Variants in SYTL5 observed in about 807,000 individuals in gnomAD.
The protein encoded by SYTL5 is synaptotagmin-like protein 5.
In SYTL5, 34 loss-of-function variants were observed where a neutral mutation model predicts 55.9. The ratio of observed to expected loss-of-function variants is 0.61; its 90% CI spans 0.46 to 0.81. The LOEUF is 0.81. Ranked by LOEUF, SYTL5 falls within the 30% of genes least tolerant of loss-of-function variation. SYTL5 has a pLI of 0.00. For missense variants in SYTL5, 637 were observed against 546.7 expected, an observed-to-expected ratio of 1.17 and a Z score of -1.65; for synonymous variants, 221 against 188.7, an observed-to-expected ratio of 1.17 and a Z score of -1.40.
At chrX:38,056,616 C>T (rs780657475) in intron 3 of SYTL5, among the ~76,000 whole-genome samples, 1 of 111,821 alleles carries the variant, frequency 8.9e-6, no homozygotes, top group East Asian at 2.8e-4. Flanking sequence ...ACATTCTCAC[C>T]AGCATTTGTT....
chrX:37,990,960 G>C, the SYTL5 span: 1 of 1,210,233 alleles, frequency 8.3e-7, no homozygotes, highest in Non-Finnish European at 1.1e-6. Context: ...AGATGAACGA[G>C]ACGTCCAAAG....
the SYTL5 span, among the ~76,000 whole-genome samples, chrX:37,926,754 C>A: frequency 2.7e-5 from 3 of 111,629 alleles, no homozygotes; most frequent in Non-Finnish European, 5.7e-5. Context: ...TGAACTTTAT[C>A]ATTCTCTCTC....
chrX:37,973,696 G>A, the SYTL5 span, among the ~76,000 whole-genome samples: 3 of 109,887 alleles, frequency 2.7e-5, no homozygotes, highest in Non-Finnish European at 5.7e-5. Flanking sequence ...TGCAAGTGGT[G>A]CGATCTCGGC....
At chrX:37,958,037 C>T in the SYTL5 span, among the ~76,000 whole-genome samples, 2 of 110,527 alleles carry the variant, frequency 1.8e-5, no homozygotes, top group Non-Finnish European at 3.8e-5. Context: ...GGTGAAACCT[C>T]GGATCTACTA....
chrX:37,912,488 C>T, the SYTL5 span, among the ~76,000 whole-genome samples: 2 of 111,569 alleles, frequency 1.8e-5, no homozygotes, highest in South Asian at 3.7e-4. Context: ...ATTACTAAGC[C>T]GCCACTCTAG....
At chrX:37,920,763 G>C in the SYTL5 span, among the ~76,000 whole-genome samples, 3 of 111,024 alleles carry the variant, frequency 2.7e-5, no homozygotes, top group Non-Finnish European at 5.7e-5. Flanking sequence ...GCAATTCTGT[G>C]TATCCCCATT....
chrX:38,068,997 G>A (rs1936182395), intron 3 of SYTL5, among the ~76,000 whole-genome samples: 1 of 111,583 alleles, frequency 9.0e-6, no homozygotes, highest in South Asian at 3.8e-4. Context: ...ATGTCATTAA[G>A]TATTTTTATT....
chrX:37,983,321 G>A, the SYTL5 span, among the ~76,000 whole-genome samples: 2 of 111,922 alleles, frequency 1.8e-5, no homozygotes, highest in African/African-American at 6.5e-5. Context: ...AAAATTGATT[G>A]TAAGTAAAAC....
At chrX:38,005,039 T>C (rs1211562596), upstream of SYTL5, among the ~76,000 whole-genome samples, 3 of 111,108 alleles carry the variant, frequency 2.7e-5, no homozygotes, top group Admixed American at 2.9e-4. Flanking sequence ...CTGTAACTCA[T>C]AAATATATAC....
chrX:37,901,607 A>G, the SYTL5 span, among the ~76,000 whole-genome samples: 1 of 112,492 alleles, frequency 8.9e-6, no homozygotes, highest in Non-Finnish European at 1.9e-5. Context: ...AGAAGGAATG[A>G]AGTTCTGATG....
chrX:38,097,396 G>C (rs1420318006), intron 9 of SYTL5, among the ~76,000 whole-genome samples: 1 of 110,036 alleles, frequency 9.1e-6, no homozygotes, highest in Non-Finnish European at 1.9e-5. Context: ...AAAATCAACT[G>C]TATTTATATA....
At chrX:38,062,102 G>T (rs59745228) in intron 3 of SYTL5, among the ~76,000 whole-genome samples, 2 of 110,253 alleles carry the variant, frequency 1.8e-5, no homozygotes, top group African/African-American at 6.6e-5. Context: ...CAAGTGGCTG[G>T]GACTACAGGC....
At chrX:38,065,502 A>T (rs1225319609) in intron 3 of SYTL5, among the ~76,000 whole-genome samples, 3 of 111,987 alleles carry the variant, frequency 2.7e-5, no homozygotes, top group African/African-American at 6.5e-5. Flanking sequence ...CACTTTGAAG[A>T]TGTGTCATTG....
chrX:38,088,222 T>C (rs1189074171), intron 6 of SYTL5, among the ~76,000 whole-genome samples: 1 of 111,876 alleles, frequency 8.9e-6, no homozygotes, highest in African/African-American at 3.2e-5. Context: ...CTGCCTGATT[T>C]ATCTTCTAGT....
At chrX:38,041,922 G>T (rs1373983410) in intron 2 of SYTL5, among the ~76,000 whole-genome samples, 1 of 111,134 alleles carries the variant, frequency 9.0e-6, no homozygotes, top group East Asian at 2.8e-4. Context: ...GATCAAATCA[G>T]TGTAGTTGTG....
chrX:38,034,908 T>G (rs778214926), intron 2 of SYTL5, among the ~76,000 whole-genome samples: 1 of 112,322 alleles, frequency 8.9e-6, no homozygotes, highest in East Asian at 2.8e-4. Context: ...CTGCCAACTA[T>G]GCAATGTGTA....
At chrX:37,959,960 C>T in the SYTL5 span, among the ~76,000 whole-genome samples, 1 of 111,781 alleles carries the variant, frequency 8.9e-6, no homozygotes, top group Non-Finnish European at 1.9e-5. Flanking sequence ...TTCATGGATG[C>T]TGCCAAAGTT....
intron 2 of SYTL5, among the ~76,000 whole-genome samples, chrX:38,050,258 A>G (rs1935585629): frequency 8.9e-6 from 1 of 112,454 alleles, no homozygotes; most frequent in South Asian, 3.7e-4. Flanking sequence ...AAGAAAAATA[A>G]TGCCACACAA....
chrX:37,963,666 A>C, the SYTL5 span, among the ~76,000 whole-genome samples: 1 of 111,966 alleles, frequency 8.9e-6, no homozygotes, highest in Non-Finnish European at 1.9e-5. Context: ...TCTACACGGA[A>C]GATCATGTTA....
Sources: gnomAD v4.1 joint callset for allele counts (sites outside exome capture counted in the v4.1 genomes callset) on GRCh38, gnomAD v4.1.1 for gene constraint, MANE v1.5 for transcripts, NCBI Gene and HGNC (gene_info 2026-07-23, HGNC 2026-07-21) for gene names.